TPCN2: variants seen among roughly 807,000 people sequenced by gnomAD.
TPCN2 encodes two pore channel protein 2.
A neutral mutation model predicts 111.4 loss-of-function variants in TPCN2; 92 were observed. That is an observed-to-expected ratio of 0.83 (90% CI 0.70 to 0.98). TPCN2 has a LOEUF of 0.98. Ranked by LOEUF, TPCN2 falls within the 50% of genes least tolerant of loss-of-function variation. TPCN2 has a pLI of 0.00. For missense variants in TPCN2, 995 were observed against 980.1 expected (o/e 1.02, Z -0.20); for synonymous variants, 405 against 414.5 (o/e 0.98, Z 0.28).
chr11:69,079,417 A>C, intron 16 of TPCN2: 1 of 283,628 alleles, frequency 3.5e-6, no homozygotes, highest in Non-Finnish European at 6.6e-6. Flanking sequence ...TTCTTGGGAA[A>C]TGCTTACACT....
chr11:69,077,411 G>T (rs1030721156), intron 13 of TPCN2, among the ~76,000 whole-genome samples: 1 of 151,820 alleles, frequency 6.6e-6, no homozygotes, highest in South Asian at 2.1e-4. Flanking sequence ...CAGCCCCTCC[G>T]CTAAGAAAGC....
intron 24 of TPCN2, 57 bp downstream of exon 24, chr11:69,087,263 T>G: frequency 6.6e-7 from 1 of 1,512,872 alleles, no homozygotes; most frequent in Non-Finnish European, 9.1e-7. Flanking sequence ...AGCCAAGAGC[T>G]GGGGGGTGGA....
intron 16 of TPCN2, chr11:69,079,414 GA>G: frequency 3.4e-6 from 1 of 291,162 alleles, no homozygotes; most frequent in Non-Finnish European, 6.4e-6. Flanking sequence ...GTGTTCTTGG[GA>G]AATGCTTACA....
intron 24 of TPCN2, 104 bp from the exon 25 acceptor site, chr11:69,087,771 C>A: frequency 1.2e-6 from 1 of 841,334 alleles, no homozygotes; most frequent in Non-Finnish European, 1.9e-6. Context: ...CCCTGTGACA[C>A]TCACTTCGCA....
At position 69,057,649 on chromosome 11, in the gene TPCN2, G is replaced by A. The variant is rs1332997679; in HGVS notation, c.501G>A (p.Val167=). 1.2e-6 allele frequency: 2 copies of A among 1,614,226 alleles called. No homozygotes were observed. Among genetic ancestry groups the A allele is most frequent in the South Asian group, 1.1e-5 (1 of 91,088 alleles). ...WLLGYLVVLV[V]SLVDWTVSLS... ...TGGGCTACCTCGTGGTGCTGGTGGT[G>A]TCTCTGGTGGACTGGACCGTGTCCC... The change falls in exon 5 of 25, where the codon GTG becomes GTA. Residue 167 remains valine (V), a synonymous_variant. Transcript: ENST00000294309.
Position 69,074,389 on chromosome 11 carries a change from A to G in TPCN2, c.1230+1388A>G, listed in dbSNP as rs1179698316. On this transcript the variant is annotated intron_variant, in intron 13 of 24. Coordinates refer to ENST00000294309, the MANE Select transcript of TPCN2 (RefSeq NM_139075.4). ...AGGTGGCAGTTTGAATATTCACGCC[A>G]TCAAACCTCTGTTTGGGACAAGGCT... is the stretch of plus-strand genomic sequence containing the variant. Among the ~76,000 whole-genome samples the G allele has an allele frequency of 2.0e-5, 3 of 152,262 alleles. No individual in the cohort carries two copies. In the East Asian group the frequency reaches 5.8e-4, roughly 29 times the overall value.
intron 7 of TPCN2, among the ~76,000 whole-genome samples, chr11:69,067,152 G>T (rs1855307948): frequency 6.6e-6 from 1 of 152,202 alleles, no homozygotes. Flanking sequence ...TCCTGCCTCT[G>T]CCCCGTAGCC....
At chr11:69,069,429 C>T (rs1245015459) in intron 8 of TPCN2, among the ~76,000 whole-genome samples, 8 of 29,560 alleles carry the variant, frequency 2.7e-4, no homozygotes, top group East Asian at 6.6e-4. Flanking sequence ...AGGAAGTGAC[C>T]GCAGTGGGAG....
chr11:69,067,708 C>CT, intron 8 of TPCN2, 103 bp downstream of exon 8: 6 of 933,722 alleles, frequency 6.4e-6, no homozygotes, highest in South Asian at 6.0e-5. Flanking sequence ...TTTCTGAGGC[C>CT]TTTTTTTCGA....
intron 13 of TPCN2, among the ~76,000 whole-genome samples, chr11:69,076,071 TAA>T (rs1175981834): frequency 6.6e-6 from 1 of 152,148 alleles, no homozygotes; most frequent in Non-Finnish European, 1.5e-5. Context: ...GCAACTACGA[TAA>T]AAGAGTAACT....
In TPCN2 at chr11:69,089,001, C is replaced by T. The variant is rs967035834; in HGVS notation, c.*1048C>T. ...CCGAGCCTGGTGCCCGGTCTGTGCC[C>T]GAGCTCAGCGGGACCAGGAAGGGAT... On this transcript the variant is annotated 3_prime_UTR_variant, in exon 25 of 25. Transcript: ENST00000294309. The T allele has an allele frequency of 4.7e-4, 71 of 152,344 alleles. No homozygotes were observed. The highest frequency in any genetic ancestry group is 1.7e-3 in the African/African-American group (70 of 41,564). 9.4% of individuals were successfully genotyped at this position (152,344 alleles called of 1,614,324 possible).
intron 4 of TPCN2, 96 bp from the exon 5 acceptor site, chr11:69,057,482 C>G: frequency 1.5e-5 from 18 of 1,177,326 alleles, no homozygotes; most frequent in Non-Finnish European, 2.3e-5. Context: ...GCACCCTGCT[C>G]TGGTCGCCTG....
In TPCN2 at chr11:69,056,076, G is replaced by A. The variant is rs375275358; in HGVS notation, c.429+724G>A. Among the ~76,000 whole-genome samples the A allele has an allele frequency of 2.8e-4, 42 of 152,354 alleles. No homozygotes were observed. In the East Asian group the frequency reaches 7.1e-3, roughly 26 times the overall value. The stretch of plus-strand genomic sequence containing the variant: ...TTAGTGCCTTTCCAGGGAGGTGCAG[G>A]CTACGTTTTCTATTTTTGTCAAACA... On this transcript the variant is annotated intron_variant, in intron 4 of 24. Transcript: ENST00000294309.
At chr11:69,079,059 G>T in intron 16 of TPCN2, 39 bp downstream of exon 16, 1 of 1,573,678 alleles carries the variant, frequency 6.4e-7, no homozygotes, top group Non-Finnish European at 8.6e-7. Context: ...CTACTGGGCG[G>T]GTGGGTGAGC....
intron 8 of TPCN2, 25 bp downstream of exon 8, chr11:69,067,630 C>T (rs376195747): frequency 5.2e-5 from 83 of 1,610,540 alleles, no homozygotes; most frequent in Admixed American, 6.7e-5. Context: ...AGGGAGGGAC[C>T]GTGGGGGTCG....
At chr11:69,049,221 C>A (rs1861101523) in intron 1 of TPCN2, 115 bp downstream of exon 1, 3 of 659,922 alleles carry the variant, frequency 4.5e-6, no homozygotes, top group East Asian at 3.5e-5. Context: ...AGGTTCGAGT[C>A]CGAGCGGGGC....
intron 13 of TPCN2, among the ~76,000 whole-genome samples, chr11:69,077,326 C>T (rs1855834380): frequency 1.2e-5 from 1 of 86,616 alleles, no homozygotes; most frequent in South Asian, 2.9e-4. Flanking sequence ...TCCACCTGCC[C>T]TCCTGCTGTG....
rs752076407 is a variant in TPCN2 at position 69,084,005 on chromosome 11, G to A, written c.1750G>A (p.Gly584Arg). The A allele has an allele frequency of 9.9e-6, 16 of 1,614,098 alleles. No individual in the cohort carries two copies. The East Asian group carries it at 2.5e-4, about 25-fold the overall frequency. ...GGTGCAGAACATGCGTGCGTTTGGC[G>A]GGATCCTGGTGGTGAGTCCCAGGCT... ...GLVQNMRAFG[G>R]ILVVVYYVFA... The change falls in exon 19 of 25, where the codon GGG becomes AGG. Residue 584 changes from glycine (G) to arginine (R), a missense_variant. By Grantham distance (125) the Gly-to-Arg change is moderately radical. Coordinates refer to ENST00000294309, the MANE Select transcript of TPCN2 (RefSeq NM_139075.4).
chr11:69,073,768 T>C (rs1180480426), intron 13 of TPCN2, among the ~76,000 whole-genome samples: 1 of 151,650 alleles, frequency 6.6e-6, no homozygotes. Flanking sequence ...ACCTGAGGCC[T>C]CTCTCCGTGG....
Sources: gnomAD v4.1 joint callset for allele counts (sites outside exome capture counted in the v4.1 genomes callset) on GRCh38, gnomAD v4.1.1 for gene constraint, MANE v1.5 for transcripts, NCBI Gene and HGNC (gene_info 2026-07-23, HGNC 2026-07-21) for gene names.